Variants in FAM227B observed in about 807,000 individuals in gnomAD.
The protein encoded by FAM227B is family with sequence similarity 227 member B.
FAM227B carries 88 observed loss-of-function variants against 73.8 expected under a neutral mutation model. The ratio of observed to expected loss-of-function variants is 1.19; its 90% CI spans 1.00 to 1.42. FAM227B has a LOEUF of 1.42. Ranked by LOEUF, FAM227B falls within the 40% of genes most tolerant of loss-of-function variation. The probability of loss-of-function intolerance (pLI) is 0.00; values close to 1 mark genes in which losing one functional copy is unlikely to be tolerated. For missense variants in FAM227B, 632 were observed against 590.9 expected, an observed-to-expected ratio of 1.07 and a Z score of -0.72; for synonymous variants, 210 against 190.5, an observed-to-expected ratio of 1.10 and a Z score of -0.84.
Position 49,327,974 on chromosome 15 carries a change from C to G in FAM227B, c.*594G>C, listed in dbSNP as rs767130682. 3 of 1,613,356 alleles carry G rather than the reference C, an allele frequency of 1.9e-6. No homozygotes were observed. The highest frequency in any genetic ancestry group is 2.5e-6 in the Non-Finnish European group (3 of 1,179,526). ...TAGGAAGTTTGGGGCTCAAGGGTCA[C>G]GACTTACTGGAGCAGGATGGGGAGG... On this transcript the variant is annotated 3_prime_UTR_variant, in exon 16 of 16. Transcript: ENST00000299338.
intron 11 of FAM227B, among the ~76,000 whole-genome samples, chr15:49,391,188 C>G (rs937238427): frequency 6.6e-6 from 1 of 152,006 alleles, no homozygotes. Flanking sequence ...AAAAAAACCA[C>G]AAATATTTCT....
intron 10 of FAM227B, among the ~76,000 whole-genome samples, chr15:49,536,632 A>G (rs1478410121): frequency 6.6e-6 from 1 of 151,980 alleles, no homozygotes; most frequent in Non-Finnish European, 1.5e-5. Flanking sequence ...AAAACGTTGT[A>G]GGCATTAAAC....
chr15:49,384,961 A>G (rs542121981), intron 11 of FAM227B, among the ~76,000 whole-genome samples: 1 of 152,096 alleles, frequency 6.6e-6, no homozygotes, highest in South Asian at 2.1e-4. Context: ...TTTTTCCATG[A>G]AAAACATTTC....
chr15:49,363,487 T>C (rs2044604247), intron 13 of FAM227B, among the ~76,000 whole-genome samples: 1 of 152,254 alleles, frequency 6.6e-6, no homozygotes, highest in African/African-American at 2.4e-5. Context: ...TCCTGAAACT[T>C]TGCTGAAGTT....
chr15:49,380,468 AAT>A (rs1159724826), intron 11 of FAM227B, among the ~76,000 whole-genome samples: 2 of 152,270 alleles, frequency 1.3e-5, no homozygotes, highest in African/African-American at 4.8e-5. Context: ...ATTAAAAAAA[AAT>A]ATATTTAATA....
chr15:49,378,981 T>C (rs561560081), intron 11 of FAM227B, among the ~76,000 whole-genome samples: 2 of 152,252 alleles, frequency 1.3e-5, no homozygotes, highest in Admixed American at 1.3e-4. Context: ...CTATTCCCAG[T>C]TTTTTGAGGG....
chr15:49,478,477 T>C (rs925131006), intron 11 of FAM227B, among the ~76,000 whole-genome samples: 3 of 152,130 alleles, frequency 2.0e-5, no homozygotes, highest in African/African-American at 4.8e-5. Context: ...AATAAAAATA[T>C]ATAATAGTTA....
intron 13 of FAM227B, among the ~76,000 whole-genome samples, chr15:49,345,638 C>T (rs1021836400): frequency 2.0e-5 from 3 of 152,036 alleles, no homozygotes; most frequent in Non-Finnish European, 4.4e-5. Context: ...CTTTATATTC[C>T]CATGCACTGC....
chr15:49,540,181 G>A (rs12232355), intron 10 of FAM227B, among the ~76,000 whole-genome samples: 38,136 of 152,090 alleles, frequency 0.25, 5,755 homozygotes, highest in Non-Finnish European at 0.35. Context: ...GAACACTAAG[G>A]GGACATCTGA....
At chr15:49,500,452 G>C (rs374786993) in intron 11 of FAM227B, among the ~76,000 whole-genome samples, 3 of 152,348 alleles carry the variant, frequency 2.0e-5, no homozygotes, top group East Asian at 1.9e-4. Flanking sequence ...AAAGTCAAAG[G>C]AGGTTATTTT....
intron 11 of FAM227B, among the ~76,000 whole-genome samples, chr15:49,380,828 A>G (rs1029855205): frequency 6.6e-6 from 1 of 152,098 alleles, no homozygotes; most frequent in East Asian, 1.9e-4. Flanking sequence ...GCTGTGGTCA[A>G]TGAAATGTCG....
At chr15:49,603,609 T>C (rs1033625487) in intron 3 of FAM227B, among the ~76,000 whole-genome samples, 5 of 152,200 alleles carry the variant, frequency 3.3e-5, no homozygotes, top group African/African-American at 1.2e-4. Flanking sequence ...CTTTCCAACT[T>C]AGATGCCATT....
intron 11 of FAM227B, chr15:49,423,261 C>T (rs1465137734): frequency 6.6e-6 from 1 of 152,284 alleles, no homozygotes; most frequent in Admixed American, 6.6e-5. Context: ...CACAAGCACA[C>T]ACGCGCTCAC....
intron 11 of FAM227B, among the ~76,000 whole-genome samples, chr15:49,373,808 G>A (rs2045990583): frequency 6.6e-6 from 1 of 152,208 alleles, no homozygotes; most frequent in African/African-American, 2.4e-5. Context: ...GAAAGGTCAA[G>A]TGTAGGTCAC....
chr15:49,484,366 C>G, intron 11 of FAM227B: 1 of 1,593,272 alleles, frequency 6.3e-7, no homozygotes, highest in Non-Finnish European at 8.5e-7. Context: ...ACCATTACAA[C>G]ACATATGCAT....
Position 49,328,234 on chromosome 15 carries a change from T to C in FAM227B, c.*334A>G. On this transcript the variant is annotated 3_prime_UTR_variant, in exon 16 of 16. Coordinates refer to ENST00000299338, the MANE Select transcript of FAM227B (RefSeq NM_152647.3). ...CAGGACTTTCTGTGCCACAGTAAAT[T>C]AATCTTCCTTCTGTTTTGTATTATG... is the stretch of plus-strand genomic sequence containing the variant. 3 of 1,510,894 alleles carry C rather than the reference T, an allele frequency of 2.0e-6. No individual in the cohort carries two copies. Among genetic ancestry groups the C allele is most frequent in the Non-Finnish European group, 1.8e-6 (2 of 1,128,088 alleles). 93.6% of individuals were successfully genotyped at this position (1,510,894 alleles called of 1,614,324 possible). A position where few individuals can be genotyped will look rare whatever the true frequency, so the allele number is the denominator to read the frequency against.
intron 13 of FAM227B, among the ~76,000 whole-genome samples, chr15:49,363,680 G>A (rs904933183): frequency 1.3e-5 from 2 of 152,184 alleles, no homozygotes; most frequent in Admixed American, 1.3e-4. Context: ...AGTGTTGAGA[G>A]TGGGTATCCT....
At chr15:49,470,629 C>T (rs2054655637) in intron 11 of FAM227B, among the ~76,000 whole-genome samples, 1 of 152,150 alleles carries the variant, frequency 6.6e-6, no homozygotes, top group African/African-American at 2.4e-5. Flanking sequence ...ACTTCTTTTG[C>T]TTTAGCCTCA....
chr15:49,510,311 T>G (rs965456877), intron 10 of FAM227B, among the ~76,000 whole-genome samples: 1 of 152,156 alleles, frequency 6.6e-6, no homozygotes, highest in Non-Finnish European at 1.5e-5. Context: ...CAGTTTTCTC[T>G]TTTTGAATAT....
Sources: gnomAD v4.1 joint callset for allele counts (sites outside exome capture counted in the v4.1 genomes callset) on GRCh38, gnomAD v4.1.1 for gene constraint, MANE v1.5 for transcripts, NCBI Gene and HGNC (gene_info 2026-07-23, HGNC 2026-07-21) for gene names.